Variants in LARGE1 observed in about 807,000 individuals in gnomAD.
LARGE1 encodes LARGE xylosyl- and glucuronyltransferase 1.
Under a neutral mutation model 87.6 loss-of-function variants are expected in LARGE1, and 43 were observed. That is an observed-to-expected ratio of 0.49 (90% CI 0.38 to 0.63). LARGE1 has a LOEUF of 0.63. Ranked by LOEUF, LARGE1 falls within the 30% of genes least tolerant of loss-of-function variation. The probability of loss-of-function intolerance (pLI) is 0.00; values close to 1 mark genes in which losing one functional copy is unlikely to be tolerated. For synonymous variants in LARGE1, 434 were observed against 394.6 expected (o/e 1.10, Z -1.18); for missense variants, 802 against 1,000.2 (o/e 0.80, Z 2.67).
At chr22:33,616,264 T>C (rs1246539399) in intron 4 of LARGE1, among the ~76,000 whole-genome samples, 1 of 152,168 alleles carries the variant, frequency 6.6e-6, no homozygotes, top group African/African-American at 2.4e-5. Flanking sequence ...CCCAGCACTT[T>C]GGGAGGCTGA....
At chr22:33,081,399 A>C in the LARGE1 span, among the ~76,000 whole-genome samples, 1 of 152,216 alleles carries the variant, frequency 6.6e-6, no homozygotes. Context: ...TAAGTTTTGC[A>C]TGTGAAGACG....
intron 3 of LARGE1, among the ~76,000 whole-genome samples, chr22:33,639,265 C>T (rs574101054): frequency 6.6e-6 from 1 of 152,300 alleles, no homozygotes; most frequent in East Asian, 1.9e-4. Flanking sequence ...TCAGCACCCA[C>T]TCTTCCAGCA....
intron 1 of LARGE1, among the ~76,000 whole-genome samples, chr22:33,887,094 G>A (rs1218946937): frequency 1.3e-5 from 2 of 152,206 alleles, no homozygotes; most frequent in Non-Finnish European, 2.9e-5. Flanking sequence ...GAAGGAAACA[G>A]AATTCCAAGT....
At chr22:33,826,577 G>C (rs945831289) in intron 1 of LARGE1, among the ~76,000 whole-genome samples, 2 of 151,932 alleles carry the variant, frequency 1.3e-5, no homozygotes, top group African/African-American at 2.4e-5. Context: ...TCCTGACGTT[G>C]TGATCCGCCC....
intron 1 of LARGE1, among the ~76,000 whole-genome samples, chr22:33,796,043 G>T (rs755552992): frequency 6.6e-6 from 1 of 151,660 alleles, no homozygotes; most frequent in Non-Finnish European, 1.5e-5. Context: ...GACTACCTGG[G>T]TTCAAATCCC....
chr22:33,307,671 C>A (rs945447263), intron 11 of LARGE1, among the ~76,000 whole-genome samples: 3 of 152,062 alleles, frequency 2.0e-5, no homozygotes, highest in African/African-American at 7.2e-5. Flanking sequence ...AGCTTTTATT[C>A]TAGTGGGGAA....
chr22:33,754,864 A>G (rs905529620), intron 2 of LARGE1, among the ~76,000 whole-genome samples: 1 of 152,158 alleles, frequency 6.6e-6, no homozygotes, highest in African/African-American at 2.4e-5. Context: ...AATACCATGT[A>G]CAATCTGACT....
the LARGE1 span, among the ~76,000 whole-genome samples, chr22:33,101,846 CA>C: frequency 6.6e-6 from 1 of 152,284 alleles, no homozygotes; most frequent in South Asian, 2.1e-4. Context: ...AGCAAGCAGC[CA>C]ACATTATTCA....
intron 2 of LARGE1, among the ~76,000 whole-genome samples, chr22:33,758,657 A>G (rs1363934544): frequency 6.6e-6 from 1 of 152,172 alleles, no homozygotes; most frequent in African/African-American, 2.4e-5. Context: ...AAAGTTAGTG[A>G]TCACATTCAC....
intron 6 of LARGE1, among the ~76,000 whole-genome samples, chr22:33,510,080 A>G (rs2070982420): frequency 6.6e-6 from 1 of 152,228 alleles, no homozygotes; most frequent in Non-Finnish European, 1.5e-5. Flanking sequence ...TAAACCTGAG[A>G]AATGAGCTCA....
intron 7 of LARGE1, among the ~76,000 whole-genome samples, chr22:33,397,853 T>G (rs2065803066): frequency 6.6e-6 from 1 of 152,248 alleles, no homozygotes; most frequent in African/African-American, 2.4e-5. Context: ...ACACTTTGTA[T>G]AGTGGTATAA....
chr22:33,103,483 T>C, the LARGE1 span, among the ~76,000 whole-genome samples: 1 of 147,496 alleles, frequency 6.8e-6, no homozygotes, highest in Non-Finnish European at 1.5e-5. Context: ...AAGGTGAACT[T>C]GACCTAATCA....
At chr22:33,686,863 T>C (rs1409508729) in intron 2 of LARGE1, among the ~76,000 whole-genome samples, 1 of 152,214 alleles carries the variant, frequency 6.6e-6, no homozygotes, top group African/African-American at 2.4e-5. Flanking sequence ...ATCCATCGTT[T>C]ATCTGAAATT....
chr22:33,282,299 C>T (rs1930590789), intron 13 of LARGE1, among the ~76,000 whole-genome samples: 1 of 152,168 alleles, frequency 6.6e-6, no homozygotes, highest in Admixed American at 6.5e-5. Context: ...GAGCCGAGAC[C>T]ACGCCATTGC....
intron 2 of LARGE1, among the ~76,000 whole-genome samples, chr22:33,730,937 C>G (rs1425728719): frequency 3.3e-5 from 5 of 151,446 alleles, no homozygotes; most frequent in Non-Finnish European, 7.4e-5. Flanking sequence ...TCAGGTGATC[C>G]ACCCACCTCC....
intron 1 of LARGE1, among the ~76,000 whole-genome samples, chr22:33,789,736 C>A (rs1001135116): frequency 6.6e-6 from 1 of 152,202 alleles, no homozygotes; most frequent in Non-Finnish European, 1.5e-5. Flanking sequence ...CATATGATTT[C>A]GGACATACAC....
chr22:33,175,886 C>T (rs145226889), intron 11 of LARGE1, among the ~76,000 whole-genome samples: 2,129 of 152,248 alleles, frequency 0.014, 52 homozygotes, highest in African/African-American at 0.047. Context: ...AGGCATCACA[C>T]TACCTGACTT....
chr22:33,358,768 T>A (rs1233263416), intron 9 of LARGE1, among the ~76,000 whole-genome samples: 2 of 151,962 alleles, frequency 1.3e-5, no homozygotes, highest in Non-Finnish European at 2.9e-5. Context: ...GGGTGGATCA[T>A]GAGGTCAGGA....
downstream of LARGE1, among the ~76,000 whole-genome samples, chr22:33,269,471 G>C (rs1358440246): frequency 6.6e-6 from 1 of 152,064 alleles, no homozygotes; most frequent in Non-Finnish European, 1.5e-5. Context: ...ATTACTTGTG[G>C]AATTCAGAAA....
Sources: allele counts gnomAD v4.1 joint callset (sites outside exome capture counted in the v4.1 genomes callset), GRCh38; gene constraint gnomAD v4.1.1; transcripts MANE v1.5; gene names NCBI Gene and HGNC (gene_info 2026-07-23, HGNC 2026-07-21).